SLC7A1: variants seen among roughly 807,000 people sequenced by gnomAD.
The protein encoded by SLC7A1 is high affinity cationic amino acid transporter 1.
In SLC7A1, 10 loss-of-function variants were observed where a neutral mutation model predicts 53.9. That is an observed-to-expected ratio of 0.19 (90% confidence interval 0.11 to 0.31). The LOEUF is 0.31. SLC7A1 is among the 10% of genes least tolerant of loss of function. SLC7A1 has a pLI of 1.00. For synonymous variants in SLC7A1, 342 were observed against 338.7 expected (o/e 1.01, Z -0.11); for missense variants, 525 against 827.2 (o/e 0.63, Z 4.48).
rs1883408200 is a variant in SLC7A1 at position 29,512,036 on chromosome 13, T to C, written c.*2444A>G. The stretch of plus-strand genomic sequence containing the variant: ...ATGAGGGATATGATAAGAAAAAGTC[T>C]ATTAAAATTGTAAGGCTTACTCCAG... On this transcript the variant is annotated 3_prime_UTR_variant, in exon 13 of 13. Coordinates refer to ENST00000380752, the MANE Select transcript of SLC7A1 (RefSeq NM_003045.5). 1 of 152,170 alleles carries C rather than the reference T, an allele frequency of 6.6e-6. No individual in the cohort carries two copies. Among genetic ancestry groups the C allele is most frequent in the Admixed American group, 6.5e-5 (1 of 15,278 alleles). 9.4% of individuals were successfully genotyped at this position (152,170 alleles called of 1,614,324 possible).
intron 8 of SLC7A1, 60 bp from the exon 9 acceptor site, chr13:29,519,609 A>C: frequency 9.4e-7 from 1 of 1,059,594 alleles, no homozygotes; most frequent in Non-Finnish European, 1.4e-6. Context: ...GACAACCAGG[A>C]CCACCACTGC....
intron 2 of SLC7A1, among the ~76,000 whole-genome samples, chr13:29,553,179 G>A (rs761571867): frequency 1.3e-5 from 2 of 152,250 alleles, no homozygotes; most frequent in African/African-American, 2.4e-5. Flanking sequence ...AGAAAGAGGA[G>A]TAAGGAGAAG....
At chr13:29,539,354 G>A (rs900658716) in intron 2 of SLC7A1, among the ~76,000 whole-genome samples, 5 of 152,106 alleles carry the variant, frequency 3.3e-5, no homozygotes, top group Admixed American at 1.3e-4. Flanking sequence ...GACAAATGAC[G>A]TCCATGGAGG....
chr13:29,586,011 G>C (rs1053035870), intron 1 of SLC7A1, among the ~76,000 whole-genome samples: 2 of 152,200 alleles, frequency 1.3e-5, no homozygotes, highest in African/African-American at 2.4e-5. Flanking sequence ...TGGCCCAAAG[G>C]TTCCTTAGTT....
chr13:29,567,886 G>A (rs1871037173), intron 1 of SLC7A1, among the ~76,000 whole-genome samples: 2 of 151,908 alleles, frequency 1.3e-5, no homozygotes, highest in South Asian at 2.1e-4. Flanking sequence ...ATCACTAGCT[G>A]TGTTGCTGGA....
chr13:29,579,283 G>A (rs948867090), intron 1 of SLC7A1, among the ~76,000 whole-genome samples: 3 of 151,902 alleles, frequency 2.0e-5, no homozygotes, highest in African/African-American at 4.8e-5. Context: ...GAGGCGCCCC[G>A]CACAACAGGA....
intron 1 of SLC7A1, among the ~76,000 whole-genome samples, chr13:29,560,389 C>G (rs1870699257): frequency 6.6e-6 from 1 of 151,714 alleles, no homozygotes; most frequent in South Asian, 2.1e-4. Context: ...GTAAGTAGGA[C>G]TACACGCTAA....
chr13:29,542,407 A>C (rs1233824515), intron 2 of SLC7A1, among the ~76,000 whole-genome samples: 1 of 152,206 alleles, frequency 6.6e-6, no homozygotes, highest in African/African-American at 2.4e-5. Flanking sequence ...GTGAGCCGAG[A>C]TCACGCCATT....
In SLC7A1 at chr13:29,532,934, A is replaced by G; in HGVS notation, c.419T>C (p.Ile140Thr). The G allele has an allele frequency of 6.2e-7, 1 of 1,614,120 alleles. No individual in the cohort carries two copies. Reference sequence around the variant, plus strand: ...TGAGAACTCCCCGATGGGTCTGCCTATCAGCTCGTCGAAGGTGGCGCTCCA... The same window carrying G: ...TGAGAACTCCCCGATGGGTCTGCCTGTCAGCTCGTCGAAGGTGGCGCTCCA... ...RAWSATFDEL[I>T]GRPIGEFSRT... The change falls in exon 4 of 13, where the codon ATA becomes ACA. Residue 140 changes from isoleucine (I) to threonine (T), a missense_variant. Ile to Thr is a moderately conservative substitution (Grantham distance 89). Transcript: ENST00000380752.
chr13:29,539,412 G>A (rs192689039), intron 2 of SLC7A1, among the ~76,000 whole-genome samples: 247 of 152,274 alleles, frequency 1.6e-3, no homozygotes, highest in Non-Finnish European at 3.0e-3. Flanking sequence ...TGTCACCACA[G>A]CACAGATCAC....
intron 5 of SLC7A1, among the ~76,000 whole-genome samples, chr13:29,529,735 T>C (rs934252902): frequency 1.3e-5 from 2 of 152,220 alleles, no homozygotes; most frequent in Non-Finnish European, 2.9e-5. Flanking sequence ...CTCTTTATCA[T>C]AGCAGTTTCA....
intron 1 of SLC7A1, among the ~76,000 whole-genome samples, chr13:29,587,900 T>C (rs1020025205): frequency 2.6e-5 from 4 of 152,202 alleles, no homozygotes; most frequent in African/African-American, 7.2e-5. Context: ...ATCACGAGTC[T>C]GTGTGGCCAG....
At chr13:29,580,784 C>T (rs1005119894) in intron 1 of SLC7A1, among the ~76,000 whole-genome samples, 17 of 146,162 alleles carry the variant, frequency 1.2e-4, no homozygotes, top group East Asian at 2.0e-4. Flanking sequence ...CTACCCTCTA[C>T]ATTCCTGCAA....
chr13:29,570,796 G>A (rs1871159725), intron 1 of SLC7A1, among the ~76,000 whole-genome samples: 2 of 151,520 alleles, frequency 1.3e-5, no homozygotes, highest in African/African-American at 4.9e-5. Flanking sequence ...AGGTAGAGGT[G>A]GCAGTGAGCC....
At chr13:29,563,693 A>G (rs1481864341) in intron 1 of SLC7A1, among the ~76,000 whole-genome samples, 2 of 152,192 alleles carry the variant, frequency 1.3e-5, no homozygotes, top group African/African-American at 4.8e-5. Context: ...GGGCAGCTTG[A>G]AGAGACGGGA....
chr13:29,560,064 A>G (rs1870679780), intron 1 of SLC7A1, among the ~76,000 whole-genome samples: 1 of 152,172 alleles, frequency 6.6e-6, no homozygotes, highest in Non-Finnish European at 1.5e-5. Context: ...TTAAAACACA[A>G]AACATTACAC....
chr13:29,555,130 G>A (rs963705214), intron 1 of SLC7A1, among the ~76,000 whole-genome samples: 9 of 151,208 alleles, frequency 6.0e-5, no homozygotes, highest in African/African-American at 7.3e-5. Flanking sequence ...AGGCCGAGGC[G>A]GGCGGATCAC....
At chr13:29,575,300 G>A (rs755035150) in intron 1 of SLC7A1, among the ~76,000 whole-genome samples, 7 of 152,130 alleles carry the variant, frequency 4.6e-5, no homozygotes, top group Non-Finnish European at 8.8e-5. Context: ...CTTGCTCTGT[G>A]CTGGAAGAAT....
intron 2 of SLC7A1, among the ~76,000 whole-genome samples, chr13:29,546,162 C>T (rs571606940): frequency 3.3e-5 from 5 of 152,156 alleles, no homozygotes; most frequent in Non-Finnish European, 7.3e-5. Context: ...TCCACTGCCT[C>T]GCAAGTGCAG....
Sources: gnomAD v4.1 joint callset for allele counts (sites outside exome capture counted in the v4.1 genomes callset) on GRCh38, gnomAD v4.1.1 for gene constraint, MANE v1.5 for transcripts, NCBI Gene and HGNC (gene_info 2026-07-23, HGNC 2026-07-21) for gene names.